The following NLRP4 variants were observed in gnomAD, a reference collection of about 807,000 sequenced individuals.
NLRP4 encodes the protein NACHT, LRR and PYD domains-containing protein 4.
In NLRP4, 44 loss-of-function variants were observed where a neutral mutation model predicts 84.7. The observed-to-expected ratio is 0.52, with a 90% confidence interval of 0.41 to 0.67. The LOEUF (loss-of-function observed/expected upper bound fraction) is 0.67, where lower values mean the gene tolerates loss of function less well. Ranked by LOEUF, NLRP4 falls within the 30% of genes least tolerant of loss-of-function variation. NLRP4 has a pLI of 0.00. For missense variants in NLRP4, 1,260 were observed against 1,219.4 expected (o/e 1.03, Z -0.50); for synonymous variants, 544 against 476.4 (o/e 1.14, Z -1.85).
At chr19:55,863,704 G>A (rs772580608) in intron 5 of NLRP4, among the ~76,000 whole-genome samples, 15 of 152,146 alleles carry the variant, frequency 9.9e-5, no homozygotes, top group Non-Finnish European at 2.1e-4. Context: ...TGAAGGAGAG[G>A]GGTACAGGAG....
intron 1 of NLRP4, among the ~76,000 whole-genome samples, chr19:55,842,973 A>C (rs1261982945): frequency 2.0e-5 from 3 of 151,146 alleles, no homozygotes; most frequent in South Asian, 2.1e-4. Flanking sequence ...GTTAGCCAGG[A>C]TGGTCTTGAT....
In NLRP4 at chr19:55,858,218, G is replaced by T. The variant is rs757831857; in HGVS notation, c.825G>T (p.Leu275=). 41 of 1,614,034 alleles carry T rather than the reference G, an allele frequency of 2.5e-5. No homozygotes were observed. The highest frequency in any genetic ancestry group is 3.1e-5 in the Non-Finnish European group (37 of 1,180,024). The change falls in exon 3 of 10, where the codon CTG becomes CTT. Residue 275 remains leucine, a synonymous_variant. Transcript: ENST00000301295. The surrounding 1 kb of genome is among the most constrained non-coding windows in gnomAD (Gnocchi z 4.2). ...LRKKMLPEAS[L]LIAIKPVCPK... is the part of the protein sequence containing the mutation. ...AGAAGATGCTCCCGGAGGCCTCCCT[G>T]CTCATCGCTATCAAACCCGTGTGCC...
Position 55,859,228 on chromosome 19 carries a change from A to C in NLRP4, c.1835A>C (p.Lys612Thr), listed in dbSNP as rs776803004. 6.2e-7 allele frequency: 1 copy of C among 1,604,060 alleles called. No individual in the cohort carries two copies. Among genetic ancestry groups the C allele is most frequent in the South Asian group, 1.1e-5 (1 of 90,848 alleles). ...TTTTCCGTTCAAAATGTCTTTAAGAAAGAGGATGAACACAGCTCTACGTGA... is the reference window on the plus strand; with the variant it reads ...TTTTCCGTTCAAAATGTCTTTAAGACAGAGGATGAACACAGCTCTACGTGA... Reference protein sequence around the residue: ...LCFSVQNVFKKEDEHSSTSDY... With the variant: ...LCFSVQNVFKTEDEHSSTSDY... The change falls in exon 3 of 10, where the codon AAA becomes ACA. Residue 612 changes from lysine to threonine, a missense_variant. Around this residue, in one of 3 missense-constraint regions of NLRP4, gnomAD observed 544 missense variants for 531.7 expected, o/e 1.02. Transcript: ENST00000301295.
At chr19:55,857,622 C>T (rs748083966) in intron 2 of NLRP4, 52 bp from the exon 3 acceptor site, 3 of 1,550,922 alleles carry the variant, frequency 1.9e-6, no homozygotes, top group East Asian at 2.2e-5. Context: ...AGAATATATG[C>T]AGGAATGCTT....
intron 5 of NLRP4, among the ~76,000 whole-genome samples, chr19:55,863,515 G>A (rs1283052750): frequency 1.3e-5 from 2 of 152,044 alleles, no homozygotes; most frequent in Non-Finnish European, 2.9e-5. Context: ...CAACCAGGTC[G>A]CGTGAGGACT....
Position 55,867,876 on chromosome 19 carries a change from T to C in NLRP4, c.2354T>C (p.Met785Thr), listed in dbSNP as rs2123052042. ...CSPDTVLVYL[M>T]LAFCHLSEQC... ...CCAGACACGGTCCTGGTATACCTGA[T>C]GTGAGTGGATGTTGGGGGTGCCTAC... Residue 785 changes from methionine to threonine, a missense_variant and splice_region_variant, in exon 6 of 10, where the codon ATG (methionine) becomes ACG (threonine). Met to Thr is a moderately conservative substitution (Grantham distance 81). Transcript: ENST00000301295. The C allele has an allele frequency of 3.1e-6, 5 of 1,613,436 alleles. No individual in the cohort carries two copies. The highest frequency in any genetic ancestry group is 3.4e-6 in the Non-Finnish European group (4 of 1,179,574).
At chr19:55,837,147 A>G (rs575729796) in intron 1 of NLRP4, among the ~76,000 whole-genome samples, 2 of 152,256 alleles carry the variant, frequency 1.3e-5, no homozygotes, top group African/African-American at 4.8e-5. Flanking sequence ...AAATCAGGGT[A>G]ATGAGCATAT....
chr19:55,846,744 G>T (rs1434522551), intron 1 of NLRP4, among the ~76,000 whole-genome samples: 4 of 152,048 alleles, frequency 2.6e-5, no homozygotes, highest in African/African-American at 9.7e-5. Context: ...GAGAAGTATT[G>T]CCTTAGGTGC....
At chr19:55,844,608 T>C (rs890368712) in intron 1 of NLRP4, among the ~76,000 whole-genome samples, 2 of 152,136 alleles carry the variant, frequency 1.3e-5, no homozygotes, top group African/African-American at 4.8e-5. Flanking sequence ...TCACCAATTA[T>C]ATTGGATCGG....
chr19:55,869,033 A>G (rs1047978068), intron 6 of NLRP4, among the ~76,000 whole-genome samples: 1 of 152,210 alleles, frequency 6.6e-6, no homozygotes, highest in Non-Finnish European at 1.5e-5. Context: ...ACATCAGGCA[A>G]TGAAGGACAG....
At chr19:55,860,678 T>C (rs540402376) in intron 3 of NLRP4, among the ~76,000 whole-genome samples, 24 of 152,276 alleles carry the variant, frequency 1.6e-4, no homozygotes, top group Non-Finnish European at 3.1e-4. Flanking sequence ...TCCTATCCAG[T>C]CAAGGATCCT....
chr19:55,845,268 C>G (rs1225519696), intron 1 of NLRP4, among the ~76,000 whole-genome samples: 3 of 147,352 alleles, frequency 2.0e-5, no homozygotes, highest in African/African-American at 7.5e-5. Flanking sequence ...TGAGTGAGAA[C>G]ATGCAGTGTT....
intron 8 of NLRP4, among the ~76,000 whole-genome samples, chr19:55,878,489 T>C (rs1568676488): frequency 6.1e-4 from 4 of 6,548 alleles, no homozygotes; most frequent in African/African-American, 1.5e-3. Flanking sequence ...TGAGACGGCT[T>C]CATACCTTTT....
chr19:55,859,948 A>AC (rs1437941049), intron 3 of NLRP4, among the ~76,000 whole-genome samples: 18 of 106,424 alleles, frequency 1.7e-4, no homozygotes, highest in Non-Finnish European at 2.1e-4. Flanking sequence ...AAAAAAAAAA[A>AC]AAAACAAAAC....
At chr19:55,845,801 G>T (rs907833975) in intron 1 of NLRP4, among the ~76,000 whole-genome samples, 22 of 148,110 alleles carry the variant, frequency 1.5e-4, no homozygotes, top group South Asian at 4.2e-4. Flanking sequence ...TTTTTCATGT[G>T]TTTTTTGGCT....
In NLRP4 at chr19:55,858,243, C is replaced by T; in HGVS notation, c.850C>T (p.Pro284Ser). ...GCTCATCGCTATCAAACCCGTGTGCCCGAAGGAGCTCCGGGATCAGGTGAC... is the reference window on the plus strand; with the variant it reads ...GCTCATCGCTATCAAACCCGTGTGCTCGAAGGAGCTCCGGGATCAGGTGAC... ...SLLIAIKPVC[P>S]KELRDQVTIS... The change falls in exon 3 of 10, where the codon CCG becomes TCG. Residue 284 changes from proline (P) to serine (S), a missense_variant. By Grantham distance (74) the Pro-to-Ser change is moderately conservative. Around this residue, in one of 3 missense-constraint regions of NLRP4, gnomAD observed 712 missense variants for 669.2 expected, o/e 1.06. Transcript: ENST00000301295. This position sits in a 1 kb window ranked among gnomAD's most constrained non-coding sequence, Gnocchi z 4.2. 2 of 1,614,152 alleles carry T rather than the reference C, an allele frequency of 1.2e-6. No homozygotes were observed. The highest frequency in any genetic ancestry group is 1.7e-6 in the Non-Finnish European group (2 of 1,180,028).
intron 1 of NLRP4, among the ~76,000 whole-genome samples, chr19:55,850,008 TCCGAGA>T: frequency 6.9e-6 from 1 of 145,770 alleles, no homozygotes; most frequent in African/African-American, 2.6e-5. Flanking sequence ...CGGTGTGATT[TCCGAGA>T]CTGCGGTGTG....
At chr19:55,878,725 A>G in intron 8 of NLRP4, 69 bp from the exon 9 acceptor site, 1 of 1,407,248 alleles carries the variant, frequency 7.1e-7, no homozygotes, top group Non-Finnish European at 9.7e-7. Flanking sequence ...CTAGACGTCT[A>G]GCTCACATCC....
In NLRP4 at chr19:55,858,441, A is replaced by G; in HGVS notation, c.1048A>G (p.Ser350Gly). 1 of 1,614,082 alleles carries G rather than the reference A, an allele frequency of 6.2e-7. No individual in the cohort carries two copies. The highest frequency in any genetic ancestry group is 1.7e-5 in the Admixed American group (1 of 60,026). The change falls in exon 3 of 10, where the codon AGT becomes GGT. Residue 350 changes from serine (S) to glycine (G), a missense_variant. Physicochemically the swap from Ser to Gly is moderately conservative, Grantham distance 56 (BLOSUM62 0). Coordinates refer to ENST00000301295, the MANE Select transcript of NLRP4 (RefSeq NM_134444.5). The surrounding 1 kb of genome is among the most constrained non-coding windows in gnomAD (Gnocchi z 4.2). ...IPLLCWILCT[S>G]LKQEMQKGKD... ...GCTCCTCTGCTGGATCCTGTGTACCAGTCTGAAGCAAGAGATGCAGAAAGG... is the reference window on the plus strand; with the variant it reads ...GCTCCTCTGCTGGATCCTGTGTACCGGTCTGAAGCAAGAGATGCAGAAAGG...
Sources: gnomAD v4.1 joint callset for allele counts (sites outside exome capture counted in the v4.1 genomes callset) on GRCh38, gnomAD v4.1.1 for gene constraint, gnomAD v4.1.1 regional missense constraint, Gnocchi (gnomAD v3.1) non-coding constraint, MANE v1.5 for transcripts, NCBI Gene and HGNC (gene_info 2026-07-23, HGNC 2026-07-21) for gene names.